The following PALLD variants were observed in gnomAD, a reference collection of about 807,000 sequenced individuals.
The protein encoded by PALLD is palladin.
Under a neutral mutation model 123.5 loss-of-function variants are expected in PALLD, and 61 were observed. That is an observed-to-expected ratio of 0.49 (90% CI 0.40 to 0.61). The LOEUF (loss-of-function observed/expected upper bound fraction) is 0.61. Among genes scored for constraint, PALLD ranks in the 20% least tolerant of loss-of-function variants. PALLD has a pLI of 0.00. For missense variants in PALLD, 1,273 were observed against 1,377.0 expected (o/e 0.92, Z 1.20); for synonymous variants, 465 against 496.4 (o/e 0.94, Z 0.84).
intron 10 of PALLD, among the ~76,000 whole-genome samples, chr4:168,795,414 ATAAT>A (rs1407238826): frequency 2.0e-5 from 3 of 152,232 alleles, no homozygotes; most frequent in Non-Finnish European, 4.4e-5. Context: ...GTGATTTAAG[ATAAT>A]TAAGTATATA....
rs1765630302 is a variant in PALLD at position 168,541,640 on chromosome 4, A to G, written c.908+29228A>G. Among the ~76,000 whole-genome samples the G allele has an allele frequency of 1.3e-5, 2 of 151,968 alleles. 1 individual carries two copies. The highest frequency in any genetic ancestry group is 2.9e-5 in the Non-Finnish European group (2 of 67,998). On this transcript the variant is annotated intron_variant, in intron 2 of 21. Transcript: ENST00000505667. ...TAATTTTTTTGTATTTTTAGTAGAG[A>G]CAGGGTTTCACCATGTTGGCCAGGC... is the stretch of plus-strand genomic sequence containing the variant.
intron 10 of PALLD, among the ~76,000 whole-genome samples, chr4:168,849,387 G>A (rs1365548767): frequency 6.6e-6 from 1 of 152,230 alleles, no homozygotes; most frequent in African/African-American, 2.4e-5. Context: ...GAAGAGGGAT[G>A]CGTTTTTAAG....
At chr4:168,831,490 T>C (rs1744191696) in intron 10 of PALLD, among the ~76,000 whole-genome samples, 1 of 152,236 alleles carries the variant, frequency 6.6e-6, no homozygotes, top group African/African-American at 2.4e-5. Flanking sequence ...CTAAAAATTA[T>C]CCTTCCTCTT....
intron 10 of PALLD, among the ~76,000 whole-genome samples, chr4:168,868,930 A>G (rs576023637): frequency 1.4e-4 from 21 of 152,312 alleles, no homozygotes; most frequent in African/African-American, 5.1e-4. Context: ...ACTTCTCTTC[A>G]AGGTAAACAT....
At chr4:168,819,295 C>T (rs916262442) in intron 10 of PALLD, among the ~76,000 whole-genome samples, 42 of 151,904 alleles carry the variant, frequency 2.8e-4, no homozygotes, top group African/African-American at 1.0e-3. Context: ...CAATCACCCA[C>T]AAAAATGTAA....
intron 6 of PALLD, among the ~76,000 whole-genome samples, chr4:168,688,515 A>G (rs1333358215): frequency 6.6e-6 from 1 of 152,106 alleles, no homozygotes; most frequent in Non-Finnish European, 1.5e-5. Context: ...TGAAACCCCC[A>G]GGGCCCCCAG....
chr4:168,681,049 C>T (rs948360302), intron 3 of PALLD, among the ~76,000 whole-genome samples: 8 of 152,040 alleles, frequency 5.3e-5, no homozygotes, highest in Non-Finnish European at 8.8e-5. Context: ...TTTAAAAGTA[C>T]GGTTGTGATG....
intron 10 of PALLD, among the ~76,000 whole-genome samples, chr4:168,815,578 T>G (rs10012149): frequency 1.3e-5 from 2 of 151,970 alleles, no homozygotes; most frequent in Admixed American, 6.5e-5. Flanking sequence ...AACACAAATA[T>G]GCAAAATCGA....
chr4:168,781,721 A>G (rs1019236947), intron 10 of PALLD, among the ~76,000 whole-genome samples: 16 of 152,152 alleles, frequency 1.1e-4, no homozygotes, highest in African/African-American at 3.4e-4. Flanking sequence ...GGATACCAGG[A>G]GAGGAATATA....
chr4:168,795,887 AT>A (rs1337360553), intron 10 of PALLD, among the ~76,000 whole-genome samples: 7 of 147,514 alleles, frequency 4.7e-5, no homozygotes, highest in South Asian at 2.2e-4. Flanking sequence ...TTTTGTACTT[AT>A]TTTTTTTTAT....
Position 168,906,881 on chromosome 4 carries a change from A to G in PALLD, c.2622+2975A>G, listed in dbSNP as rs898843178. ...AAACCCTTGTTAACATAGGAAAAAA[A>G]GGAAAGGAAGGAAATAAAAAAGAAA... On this transcript the variant is annotated intron_variant, in intron 15 of 21. Transcript: ENST00000505667. 3.3e-5 allele frequency among the ~76,000 whole-genome samples: 5 copies of G among 152,342 alleles called. No individual in the cohort carries two copies. In the East Asian group the frequency reaches 9.6e-4, roughly 29 times the overall value.
rs147491643 is a variant in PALLD at position 168,588,504 on chromosome 4, C to T, written c.908+76092C>T. Among the ~76,000 whole-genome samples the T allele has an allele frequency of 4.3e-3, 655 of 152,116 alleles. 7 individuals are homozygous for T. Among genetic ancestry groups the T allele is most frequent in the African/African-American group, 0.015 (622 of 41,482 alleles). On this transcript the variant is annotated intron_variant, in intron 2 of 21. Coordinates refer to ENST00000505667, the MANE Select transcript of PALLD (RefSeq NM_001166108.2). ...TCATCCTCCGCCTCCTGGGTTCAAG[C>T]GATTCTCATGCCTCAGCCTCCTGAG...
Position 168,737,307 on chromosome 4 carries a change from A to G in PALLD, c.1964+25384A>G, listed in dbSNP as rs148275363. On this transcript the variant is annotated intron_variant, in intron 10 of 21. Transcript: ENST00000505667. ...TTGGGGCCTCTTTTTTTTCTTTTTT[A>G]TAAGTCAAATGATATGCAAGTAACA... Among the ~76,000 whole-genome samples, 1,045 of 152,184 alleles carry G rather than the reference A, an allele frequency of 6.9e-3. 12 individuals carry two copies. Among genetic ancestry groups the G allele is most frequent in the African/African-American group, 0.024 (990 of 41,536 alleles).
intron 2 of PALLD, among the ~76,000 whole-genome samples, chr4:168,587,119 G>T (rs62335505): frequency 0.083 from 12,654 of 152,218 alleles, 726 homozygotes; most frequent in Non-Finnish European, 0.12. Context: ...CGACGACAAA[G>T]AATTCTCCAG....
intron 10 of PALLD, among the ~76,000 whole-genome samples, chr4:168,758,690 A>T (rs970958572): frequency 1.3e-4 from 20 of 152,170 alleles, no homozygotes; most frequent in African/African-American, 4.6e-4. Context: ...AAAAAATATT[A>T]TGTCTCCTAA....
intron 2 of PALLD, among the ~76,000 whole-genome samples, chr4:168,617,816 T>C (rs1278200111): frequency 6.6e-6 from 1 of 152,202 alleles, no homozygotes; most frequent in African/African-American, 2.4e-5. Flanking sequence ...AATATTATGA[T>C]GGTTATTTTT....
intron 2 of PALLD, among the ~76,000 whole-genome samples, chr4:168,633,851 A>G (rs1776074804): frequency 6.6e-6 from 1 of 152,248 alleles, no homozygotes. Flanking sequence ...TTGCCAATGC[A>G]TATTGAACTT....
intron 2 of PALLD, among the ~76,000 whole-genome samples, chr4:168,583,325 G>A (rs1048834608): frequency 6.6e-5 from 10 of 152,134 alleles, no homozygotes; most frequent in African/African-American, 2.4e-4. Flanking sequence ...AAAGTGAATA[G>A]ATGATGCTGA....
intron 2 of PALLD, among the ~76,000 whole-genome samples, chr4:168,593,896 A>G (rs988460160): frequency 1.3e-5 from 2 of 152,188 alleles, no homozygotes; most frequent in African/African-American, 2.4e-5. Context: ...TTAAAGACAT[A>G]AAGTGATTTT....
Sources: gnomAD v4.1 joint callset for allele counts (sites outside exome capture counted in the v4.1 genomes callset) on GRCh38, gnomAD v4.1.1 for gene constraint, MANE v1.5 for transcripts, NCBI Gene and HGNC (gene_info 2026-07-23, HGNC 2026-07-21) for gene names.